The following SUSD1 variants were observed in gnomAD, a reference collection of about 807,000 sequenced individuals.
SUSD1 encodes the protein sushi domain-containing protein 1.
A neutral mutation model predicts 86.9 loss-of-function variants in SUSD1; 65 were observed. The observed-to-expected ratio is 0.75, with a 90% CI of 0.61 to 0.92. SUSD1 has a LOEUF of 0.92. Ranked by LOEUF, SUSD1 falls within the 40% of genes least tolerant of loss-of-function variation. The pLI is 0.00. For missense variants in SUSD1, 850 were observed against 929.7 expected (o/e 0.91, Z 1.11); for synonymous variants, 346 against 350.0 (o/e 0.99, Z 0.13).
chr9:112,043,309 C>A (rs910353261), intron 15 of SUSD1, among the ~76,000 whole-genome samples: 1 of 152,182 alleles, frequency 6.6e-6, no homozygotes, highest in African/African-American at 2.4e-5. Context: ...CCAGACCCTG[C>A]ACTCCATGGA....
At chr9:112,151,301 A>G (rs1478238691) in intron 2 of SUSD1, among the ~76,000 whole-genome samples, 1 of 152,194 alleles carries the variant, frequency 6.6e-6, no homozygotes, top group African/African-American at 2.4e-5. Flanking sequence ...TAAATTTATA[A>G]AAGTATCTTT....
At chr9:112,158,061 C>T (rs774978329) in intron 1 of SUSD1, among the ~76,000 whole-genome samples, 6 of 151,792 alleles carry the variant, frequency 4.0e-5, no homozygotes, top group Admixed American at 2.6e-4. Context: ...TGAGCTCTAG[C>T]AATCCACCCA....
intron 15 of SUSD1, among the ~76,000 whole-genome samples, chr9:112,043,870 G>A (rs1459587389): frequency 6.6e-6 from 1 of 151,884 alleles, no homozygotes; most frequent in African/African-American, 2.4e-5. Flanking sequence ...GCATGATCTC[G>A]GCTCACTGCA....
intron 1 of SUSD1, among the ~76,000 whole-genome samples, chr9:112,167,963 T>A (rs530360033): frequency 6.6e-6 from 1 of 152,252 alleles, no homozygotes; most frequent in African/African-American, 2.4e-5. Context: ...AACCATCAGA[T>A]CTTGTGAGAC....
At chr9:112,109,948 C>G (rs1831019106) in intron 8 of SUSD1, among the ~76,000 whole-genome samples, 1 of 152,146 alleles carries the variant, frequency 6.6e-6, no homozygotes, top group African/African-American at 2.4e-5. Context: ...GATTGGCAGA[C>G]TTTTTCAACT....
chr9:112,107,407 C>T (rs1161229326), intron 8 of SUSD1, among the ~76,000 whole-genome samples: 1 of 151,984 alleles, frequency 6.6e-6, no homozygotes, highest in Non-Finnish European at 1.5e-5. Flanking sequence ...CAAGATCACG[C>T]CACTGCACTC....
At chr9:112,121,520 C>G (rs1831554279) in intron 6 of SUSD1, among the ~76,000 whole-genome samples, 1 of 152,168 alleles carries the variant, frequency 6.6e-6, no homozygotes, top group Non-Finnish European at 1.5e-5. Flanking sequence ...ATAGTGTATG[C>G]TAAATAGATA....
chr9:112,071,741 A>C (rs1829279666), intron 12 of SUSD1, among the ~76,000 whole-genome samples: 1 of 152,214 alleles, frequency 6.6e-6, no homozygotes, highest in Non-Finnish European at 1.5e-5. Context: ...ATTAAAACAC[A>C]ACTCCACCGC....
At position 112,111,698 on chromosome 9, in the gene SUSD1, G is replaced by A; in HGVS notation, c.1127C>T (p.Pro376Leu). 3 of 1,614,130 alleles carry A rather than the reference G, an allele frequency of 1.9e-6. No homozygotes were observed. Among genetic ancestry groups the A allele is most frequent in the Non-Finnish European group, 2.5e-6 (3 of 1,179,996 alleles). Residue 376 changes from proline (P) to leucine (L), a missense_variant, in exon 8 of 17, where the codon CCT becomes CTT. Pro to Leu is a moderately conservative substitution (Grantham distance 98). Coordinates refer to ENST00000374270, the MANE Select transcript of SUSD1 (RefSeq NM_022486.5). ...TNYTVNISTAPPRRSMPAVIG... is the reference protein window; with the variant it reads ...TNYTVNISTALPRRSMPAVIG... ...GACGGCTGGCATCGAGCGCCTGGGA[G>A]GTGCTGTGGAGATGTTCACGGTGTA...
intron 5 of SUSD1, among the ~76,000 whole-genome samples, chr9:112,138,281 G>GTGTATATACATATATATATATGTATAT (rs1491304710): frequency 5.3e-4 from 25 of 47,228 alleles, no homozygotes; most frequent in East Asian, 2.4e-3. Context: ...ATATATATAT[G>GTGTATATACATATATATATATGTATAT]AAGTCCAGGA....
At chr9:112,082,664 C>T (rs1283478548) in intron 10 of SUSD1, among the ~76,000 whole-genome samples, 1 of 152,084 alleles carries the variant, frequency 6.6e-6, no homozygotes, top group Non-Finnish European at 1.5e-5. Context: ...ACTGATTTCA[C>T]ACTTCCGACC....
intron 10 of SUSD1, among the ~76,000 whole-genome samples, chr9:112,084,946 C>T (rs2131574094): frequency 6.6e-6 from 1 of 152,314 alleles, no homozygotes; most frequent in East Asian, 1.9e-4. Context: ...TTGGCAAAAT[C>T]AATCACTATT....
intron 10 of SUSD1, among the ~76,000 whole-genome samples, chr9:112,091,741 C>A: frequency 6.6e-6 from 1 of 152,006 alleles, no homozygotes; most frequent in East Asian, 1.9e-4. Context: ...CTTAGTTATC[C>A]TTGATTTACA....
chr9:112,100,669 C>CA (rs1461375941), intron 9 of SUSD1, among the ~76,000 whole-genome samples: 1 of 151,088 alleles, frequency 6.6e-6, no homozygotes, highest in East Asian at 2.0e-4. Flanking sequence ...CCATCTTTAC[C>CA]AAAAATACAA....
intron 10 of SUSD1, among the ~76,000 whole-genome samples, chr9:112,080,731 G>A (rs1829733639): frequency 6.6e-6 from 1 of 151,304 alleles, no homozygotes; most frequent in African/African-American, 2.4e-5. Flanking sequence ...AAAATTATTT[G>A]AGTCTATTTA....
intron 10 of SUSD1, among the ~76,000 whole-genome samples, chr9:112,095,927 A>G (rs1029198150): frequency 5.9e-5 from 9 of 152,218 alleles, no homozygotes; most frequent in African/African-American, 2.2e-4. Flanking sequence ...AGCAACGAAA[A>G]TGGAAAGGTT....
intron 7 of SUSD1, among the ~76,000 whole-genome samples, chr9:112,112,561 G>A (rs1004082129): frequency 5.3e-5 from 8 of 151,954 alleles, no homozygotes; most frequent in African/African-American, 1.9e-4. Context: ...GCTTGAACCC[G>A]GGAGGCTGAG....
Position 112,041,421 on chromosome 9 carries a change from G to A in SUSD1, c.*71C>T, listed in dbSNP as rs368841685. 16 of 780,004 alleles carry A rather than the reference G, an allele frequency of 2.1e-5. No homozygotes were observed. Among genetic ancestry groups the A allele is most frequent in the South Asian group, 8.1e-5 (6 of 74,476 alleles). 48.3% of individuals were successfully genotyped at this position (780,004 alleles called of 1,614,324 possible). On this transcript the variant is annotated 3_prime_UTR_variant, in exon 17 of 17. Coordinates refer to ENST00000374270, the MANE Select transcript of SUSD1 (RefSeq NM_022486.5). ...CGGAAGTCACACGGAGCCTCTGTGC[G>A]GGCACCTGAGAAGCTGCCAGAACAC...
At chr9:112,078,797 T>C in intron 11 of SUSD1, 73 bp from the exon 12 acceptor site, 1 of 1,261,150 alleles carries the variant, frequency 7.9e-7, no homozygotes, top group Non-Finnish European at 1.1e-6. Flanking sequence ...CCTCCCCTTT[T>C]CCTTTTTCTT....
Sources: allele counts gnomAD v4.1 joint callset (sites outside exome capture counted in the v4.1 genomes callset), GRCh38; gene constraint gnomAD v4.1.1; transcripts MANE v1.5; gene names NCBI Gene and HGNC (gene_info 2026-07-23, HGNC 2026-07-21).